Variants in GABBR2 observed in about 807,000 individuals in gnomAD.
The protein encoded by GABBR2 is G-protein coupled receptor 51.
GABBR2 carries 23 observed loss-of-function variants against 105.6 expected under a neutral mutation model. The observed-to-expected ratio is 0.22, with a 90% CI of 0.16 to 0.31. GABBR2 has a LOEUF of 0.31. GABBR2 is among the 10% of genes least tolerant of loss of function. The pLI, the probability that GABBR2 is intolerant of heterozygous loss-of-function variation, is 1.00. For missense variants in GABBR2, 734 were observed against 1,245.5 expected, an observed-to-expected ratio of 0.59 and a Z score of 6.18; for synonymous variants, 478 against 499.7, an observed-to-expected ratio of 0.96 and a Z score of 0.58.
At chr9:98,292,790 T>C (rs1432608689) in intron 18 of GABBR2, among the ~76,000 whole-genome samples, 1 of 152,248 alleles carries the variant, frequency 6.6e-6, no homozygotes, top group African/African-American at 2.4e-5. Context: ...TAGGATCCTG[T>C]TCACCTTTCA....
At chr9:98,329,622 C>T (rs1355235762) in intron 13 of GABBR2, among the ~76,000 whole-genome samples, 1 of 152,256 alleles carries the variant, frequency 6.6e-6, no homozygotes, top group African/African-American at 2.4e-5. Context: ...CATCTCGGCC[C>T]TGCCCTTCGG....
chr9:98,570,259 T>C (rs552102212), intron 2 of GABBR2, among the ~76,000 whole-genome samples: 118 of 152,312 alleles, frequency 7.7e-4, no homozygotes, highest in Non-Finnish European at 1.4e-3. Context: ...GGGTGGGCTG[T>C]CGAGGGGCGG....
chr9:98,371,650 G>A (rs1250537238), intron 11 of GABBR2, 79 bp from the exon 12 acceptor site: 4 of 771,634 alleles, frequency 5.2e-6, no homozygotes, highest in Admixed American at 2.0e-5. Context: ...ACCCTGCAAG[G>A]GGACTCTTTA....
intron 2 of GABBR2, among the ~76,000 whole-genome samples, chr9:98,545,425 C>T (rs1828379415): frequency 6.6e-6 from 1 of 152,220 alleles, no homozygotes. Context: ...TGGGCAAAAA[C>T]TGCAGGTGCC....
chr9:98,532,125 T>A (rs1373906024), intron 3 of GABBR2, among the ~76,000 whole-genome samples: 1 of 152,224 alleles, frequency 6.6e-6, no homozygotes, highest in Non-Finnish European at 1.5e-5. Flanking sequence ...ATAACACAAA[T>A]ACAGAGATAT....
intron 8 of GABBR2, among the ~76,000 whole-genome samples, chr9:98,405,119 CA>C (rs980405210): frequency 1.3e-5 from 2 of 151,634 alleles, no homozygotes; most frequent in African/African-American, 2.4e-5. Flanking sequence ...AACACTACAG[CA>C]AAAAAAGGGG....
chr9:98,644,176 G>A (rs1222648026), intron 1 of GABBR2, among the ~76,000 whole-genome samples: 1 of 152,228 alleles, frequency 6.6e-6, no homozygotes, highest in Non-Finnish European at 1.5e-5. Flanking sequence ...TACACAGATA[G>A]TTGTGGTGCA....
At chr9:98,369,435 C>T (rs1169312643) in intron 12 of GABBR2, among the ~76,000 whole-genome samples, 1 of 152,052 alleles carries the variant, frequency 6.6e-6, no homozygotes, top group Non-Finnish European at 1.5e-5. Context: ...TGAGAGGTAT[C>T]ACCAGGGCAC....
intron 13 of GABBR2, among the ~76,000 whole-genome samples, chr9:98,347,881 C>T (rs1831327394): frequency 6.6e-6 from 1 of 152,106 alleles, no homozygotes; most frequent in Admixed American, 6.5e-5. Flanking sequence ...GCAATTTCCC[C>T]CATACTATTC....
chr9:98,660,706 A>G (rs1437968511), intron 1 of GABBR2, among the ~76,000 whole-genome samples: 1 of 152,188 alleles, frequency 6.6e-6, no homozygotes, highest in Non-Finnish European at 1.5e-5. Flanking sequence ...GGAGGCTCTG[A>G]GAGGAAGCTC....
At chr9:98,674,482 G>A (rs758957960) in intron 1 of GABBR2, among the ~76,000 whole-genome samples, 3 of 152,126 alleles carry the variant, frequency 2.0e-5, no homozygotes, top group Non-Finnish European at 4.4e-5. Flanking sequence ...GTTGAGAGTG[G>A]GGGAAGAGGC....
intron 1 of GABBR2, among the ~76,000 whole-genome samples, chr9:98,694,743 CCTCT>C (rs1007196643): frequency 2.0e-5 from 3 of 152,178 alleles, no homozygotes; most frequent in Non-Finnish European, 4.4e-5. Flanking sequence ...TCTCTCCCTT[CCTCT>C]CTCTCTTTCT....
chr9:98,467,076 C>T (rs1158442908), intron 6 of GABBR2, among the ~76,000 whole-genome samples: 1 of 152,212 alleles, frequency 6.6e-6, no homozygotes, highest in East Asian at 1.9e-4. Flanking sequence ...TCCCACATAA[C>T]ACTTCTACTT....
intron 13 of GABBR2, among the ~76,000 whole-genome samples, chr9:98,350,388 C>T (rs1392493906): frequency 1.3e-5 from 2 of 151,584 alleles, no homozygotes; most frequent in African/African-American, 4.8e-5. Flanking sequence ...TATACGTTTC[C>T]CTCTTTGCAC....
chr9:98,322,412 C>T (rs1830839853), intron 13 of GABBR2, among the ~76,000 whole-genome samples: 1 of 152,160 alleles, frequency 6.6e-6, no homozygotes, highest in South Asian at 2.1e-4. Context: ...GCCTTCCCTC[C>T]TGCCCCAGGC....
At chr9:98,350,858 T>C (rs2131423286) in intron 13 of GABBR2, among the ~76,000 whole-genome samples, 1 of 152,308 alleles carries the variant, frequency 6.6e-6, no homozygotes, top group East Asian at 1.9e-4. Context: ...CCAACTATTA[T>C]TATATTGGAG....
rs539631892 is a variant in GABBR2 at position 98,528,805 on chromosome 9, G to T, written c.630+13068C>A. 2.6e-5 allele frequency among the ~76,000 whole-genome samples: 4 copies of T among 151,556 alleles called. No individual in the cohort carries two copies. In the South Asian group the frequency reaches 8.3e-4, roughly 31 times the overall value. On this transcript the variant is annotated intron_variant, in intron 3 of 18. Transcript: ENST00000259455. ...ATAATACACAATACTGGCAGGGAAT[G>T]GTCCCGTATACTGCTATGAAACTCT...
intron 7 of GABBR2, among the ~76,000 whole-genome samples, chr9:98,418,032 G>A (rs1010271283): frequency 1.3e-5 from 2 of 152,142 alleles, no homozygotes; most frequent in African/African-American, 4.8e-5. Flanking sequence ...GAGAATGCAG[G>A]AGCCACATCA....
chr9:98,652,744 G>A (rs567109150), intron 1 of GABBR2, among the ~76,000 whole-genome samples: 1 of 152,214 alleles, frequency 6.6e-6, no homozygotes, highest in Non-Finnish European at 1.5e-5. Context: ...CTTTTCCAAG[G>A]CACTACAGGT....
Sources: allele counts gnomAD v4.1 joint callset (sites outside exome capture counted in the v4.1 genomes callset), GRCh38; gene constraint gnomAD v4.1.1; transcripts MANE v1.5; gene names NCBI Gene and HGNC (gene_info 2026-07-23, HGNC 2026-07-21).